The following TRPM3 variants were observed in gnomAD, a reference collection of about 807,000 sequenced individuals.
TRPM3 encodes the protein long transient receptor potential channel 3.
In TRPM3, 77 loss-of-function variants were observed where a neutral mutation model predicts 181.2. That is an observed-to-expected ratio of 0.42 (90% confidence interval 0.35 to 0.51). TRPM3 has a LOEUF of 0.51. TRPM3 is among the 20% of genes least tolerant of loss of function. The pLI, the probability that TRPM3 is intolerant of heterozygous loss-of-function variation, is 0.01. For missense variants in TRPM3, 1,759 were observed against 2,196.7 expected (o/e 0.80, Z 3.98); for synonymous variants, 745 against 796.4 (o/e 0.94, Z 1.09).
intron 1 of TRPM3, among the ~76,000 whole-genome samples, chr9:70,907,976 T>A (rs1051678513): frequency 3.3e-5 from 5 of 152,200 alleles, no homozygotes; most frequent in African/African-American, 1.2e-4. Flanking sequence ...CTGGTTTGAT[T>A]CCATGTCTTT....
chr9:70,997,106 T>C (rs1023479187), intron 1 of TRPM3, among the ~76,000 whole-genome samples: 4 of 152,246 alleles, frequency 2.6e-5, no homozygotes, highest in African/African-American at 9.6e-5. Flanking sequence ...ATGACAGAGA[T>C]AAAACTGATT....
chr9:71,444,519 G>A (rs1247750111), intron 1 of TRPM3, among the ~76,000 whole-genome samples: 1 of 151,964 alleles, frequency 6.6e-6, no homozygotes, highest in African/African-American at 2.4e-5. Flanking sequence ...CTACATTATG[G>A]AATATCTTAT....
chr9:71,255,046 A>T (rs971401706), intron 1 of TRPM3, among the ~76,000 whole-genome samples: 1 of 152,142 alleles, frequency 6.6e-6, no homozygotes, highest in Admixed American at 6.5e-5. Flanking sequence ...TCTCTTAACC[A>T]GTCCAACTTA....
intron 22 of TRPM3, among the ~76,000 whole-genome samples, chr9:70,567,808 G>T (rs1406347427): frequency 6.6e-6 from 1 of 152,196 alleles, no homozygotes; most frequent in Non-Finnish European, 1.5e-5. Flanking sequence ...TACGGACTTA[G>T]GGAGTTTATA....
In TRPM3 at chr9:70,970,784, A is replaced by T. The variant is rs550128537; in HGVS notation, c.178-106273T>A. On this transcript the variant is annotated intron_variant, in intron 1 of 25. Coordinates refer to ENST00000677713, the MANE Select transcript of TRPM3 (RefSeq NM_001366145.2). ...ATAACCAGCTGGAAAGAAGACTGGC[A>T]CTTGGGAAACATCATTTTCATCCTC... 2.0e-5 allele frequency among the ~76,000 whole-genome samples: 3 copies of T among 152,306 alleles called. No homozygotes were observed. The East Asian group carries it at 5.8e-4, about 29-fold the overall frequency.
chr9:71,311,768 C>T (rs1371675451), intron 1 of TRPM3, among the ~76,000 whole-genome samples: 1 of 151,496 alleles, frequency 6.6e-6, no homozygotes, highest in Non-Finnish European at 1.5e-5. Context: ...ATCAAATATG[C>T]TAATGATAGC....
At position 70,536,550 on chromosome 9, in the gene TRPM3, G is replaced by A; in HGVS notation, c.4563C>T (p.Pro1521=). 1 of 1,614,202 alleles carries A rather than the reference G, an allele frequency of 6.2e-7. No individual in the cohort carries two copies. Among genetic ancestry groups the A allele is most frequent in the Non-Finnish European group, 8.5e-7 (1 of 1,180,036 alleles). The change falls in exon 26 of 26, where the codon CCC becomes CCT. Residue 1521 remains proline (P), a synonymous_variant. Coordinates refer to ENST00000677713, the MANE Select transcript of TRPM3 (RefSeq NM_001366145.2). The part of the protein sequence containing the change: ...SKSSRYLATT[P]FLLEEAPIVK... ...CAATGGGAGCCTCTTCTAGAAGAAA[G>A]GGTGTGGTGGCTAGGTAGCGGCTAC...
intron 1 of TRPM3, among the ~76,000 whole-genome samples, chr9:71,172,275 G>A (rs1241888061): frequency 6.6e-6 from 1 of 152,112 alleles, no homozygotes; most frequent in African/African-American, 2.4e-5. Flanking sequence ...GCCAGATAGA[G>A]GTTGGTTGGG....
At chr9:71,176,999 G>A (rs1387629471) in intron 1 of TRPM3, among the ~76,000 whole-genome samples, 2 of 152,154 alleles carry the variant, frequency 1.3e-5, no homozygotes, top group East Asian at 1.9e-4. Context: ...GCAAGAGAGC[G>A]AAGCTTCATC....
chr9:71,121,264 T>G lies in TRPM3; in HGVS notation c.91A>C (p.Asn31His), dbSNP rs1286301264. The G allele has an allele frequency of 6.2e-7, 1 of 1,613,994 alleles. No individual in the cohort carries two copies. Residue 31 changes from asparagine to histidine, a missense_variant, in exon 1 of 26, where the codon AAT becomes CAT. Physicochemically the swap from Asn to His is moderately conservative, Grantham distance 68 (BLOSUM62 1). Coordinates refer to ENST00000677713, the MANE Select transcript of TRPM3 (RefSeq NM_001366145.2). ...FSWWNLEGVM[N>H]QADAPRPLNW... Reference sequence around the variant, plus strand: ...AGGGGTCGAGGAGCATCAGCCTGATTCATGACCCCTTCCAAATTCCACCAG... The same window carrying G: ...AGGGGTCGAGGAGCATCAGCCTGATGCATGACCCCTTCCAAATTCCACCAG...
At chr9:71,096,473 A>G (rs903351615) in intron 1 of TRPM3, among the ~76,000 whole-genome samples, 3 of 150,858 alleles carry the variant, frequency 2.0e-5, no homozygotes, top group Non-Finnish European at 4.4e-5. Context: ...GCTCTTCCAG[A>G]GGCTTAGAGA....
At chr9:71,312,058 A>G (rs1169932844) in intron 1 of TRPM3, among the ~76,000 whole-genome samples, 1 of 152,152 alleles carries the variant, frequency 6.6e-6, no homozygotes, top group Non-Finnish European at 1.5e-5. Context: ...GACAGAAGTA[A>G]TCTATAGGCT....
intron 1 of TRPM3, among the ~76,000 whole-genome samples, chr9:71,251,588 A>T (rs1305364177): frequency 6.6e-6 from 1 of 152,186 alleles, no homozygotes; most frequent in Admixed American, 6.5e-5. Flanking sequence ...GTTTTTAAAC[A>T]TGGGTACATA....
chr9:70,910,995 C>T (rs529430723), intron 1 of TRPM3, among the ~76,000 whole-genome samples: 1 of 152,110 alleles, frequency 6.6e-6, no homozygotes, highest in Non-Finnish European at 1.5e-5. Context: ...AAATAGTAGT[C>T]TTATGGGATG....
At chr9:71,393,286 A>G (rs1483848465) in intron 1 of TRPM3, among the ~76,000 whole-genome samples, 1 of 152,194 alleles carries the variant, frequency 6.6e-6, no homozygotes, top group Admixed American at 6.6e-5. Context: ...AGGAATTTCT[A>G]CAGATTTTGA....
intron 1 of TRPM3, among the ~76,000 whole-genome samples, chr9:70,959,790 T>A (rs2133807105): frequency 6.6e-6 from 1 of 152,308 alleles, no homozygotes; most frequent in African/African-American, 2.4e-5. Context: ...TAGATTGCGT[T>A]ATAATTTCTC....
At chr9:71,433,932 G>A (rs539520258) in intron 1 of TRPM3, among the ~76,000 whole-genome samples, 1 of 152,190 alleles carries the variant, frequency 6.6e-6, no homozygotes, top group African/African-American at 2.4e-5. Context: ...AAGGTGGGCA[G>A]ATCACATGAG....
At chr9:71,319,715 T>C (rs975422278) in intron 1 of TRPM3, among the ~76,000 whole-genome samples, 4 of 152,080 alleles carry the variant, frequency 2.6e-5, no homozygotes, top group African/African-American at 9.7e-5. Context: ...CATTATTAAA[T>C]TAATATAATA....
At chr9:71,256,095 G>A (rs1204073858) in intron 1 of TRPM3, among the ~76,000 whole-genome samples, 1 of 152,202 alleles carries the variant, frequency 6.6e-6, no homozygotes, top group African/African-American at 2.4e-5. Flanking sequence ...GAAGGATGGT[G>A]ACCATGAATG....
Sources: allele counts gnomAD v4.1 joint callset (sites outside exome capture counted in the v4.1 genomes callset), GRCh38; gene constraint gnomAD v4.1.1; transcripts MANE v1.5; gene names NCBI Gene and HGNC (gene_info 2026-07-23, HGNC 2026-07-21).